The following OTOP3 variants were observed in gnomAD, a reference collection of about 807,000 sequenced individuals.
OTOP3 encodes the protein proton channel OTOP3.
OTOP3 carries 41 observed loss-of-function variants against 50.8 expected under a neutral mutation model. That is an observed-to-expected ratio of 0.81 (90% CI 0.63 to 1.05). The LOEUF (loss-of-function observed/expected upper bound fraction) is 1.05. Ranked by LOEUF, OTOP3 falls within the 50% of genes least tolerant of loss-of-function variation. The pLI is 0.00. For synonymous variants in OTOP3, 320 were observed against 324.4 expected (o/e 0.99, Z 0.14); for missense variants, 788 against 760.8 (o/e 1.04, Z -0.42).
At chr17:74,939,079 C>T (rs1025966688) in intron 1 of OTOP3, among the ~76,000 whole-genome samples, 2 of 151,960 alleles carry the variant, frequency 1.3e-5, no homozygotes, top group Non-Finnish European at 2.9e-5. Flanking sequence ...GAGGCTGAAT[C>T]GGGAGGATCA....
rs749058328 is a variant in OTOP3 at position 74,941,891 on chromosome 17, G to A, written c.437-10G>A. The A allele has an allele frequency of 6.3e-7, 1 of 1,598,894 alleles. No homozygotes were observed. The highest frequency in any genetic ancestry group is 8.5e-7 in the Non-Finnish European group (1 of 1,170,462). On this transcript the variant is annotated splice_polypyrimidine_tract_variant and intron_variant, in intron 2 of 6. Coordinates refer to ENST00000328801, the MANE Select transcript of OTOP3 (RefSeq NM_001272005.2). ...CGCAGGTGCCAACGCCCGCCCACATGTCCGGCCAGGTTCCCTAGTGCTCTT... is the reference window on the plus strand; with the variant it reads ...CGCAGGTGCCAACGCCCGCCCACATATCCGGCCAGGTTCCCTAGTGCTCTT...
Position 74,942,027 on chromosome 17 carries a change from T to C in OTOP3, c.563T>C (p.Ile188Thr). ...LVFSVIEMVF[I>T]GVQTWVLWKH... ...TTCTCTGTCATCGAGATGGTCTTCATCGGCGTCCAGGTGACAGGCTTCTCA... is the reference window on the plus strand; with the variant it reads ...TTCTCTGTCATCGAGATGGTCTTCACCGGCGTCCAGGTGACAGGCTTCTCA... Residue 188 changes from isoleucine (I) to threonine (T), a missense_variant, in exon 3 of 7, where the codon ATC becomes ACC. Physicochemically the swap from Ile to Thr is moderately conservative, Grantham distance 89. Transcript: ENST00000328801. 6.2e-7 allele frequency: 1 copy of C among 1,610,084 alleles called. No individual in the cohort carries two copies.
Position 74,936,961 on chromosome 17 carries a change from C to CCTT in OTOP3, c.19+1021_19+1022insCTT, listed in dbSNP as rs1555629576. Among the ~76,000 whole-genome samples the CCTT allele has an allele frequency of 7.9e-4, 80 of 101,302 alleles. 2 individuals are homozygous for CCTT. The highest frequency in any genetic ancestry group is 1.0e-3 in the Non-Finnish European group (53 of 51,116). The allele number at this position is 101,302 out of a possible 152,430, so 66.5% of individuals were successfully genotyped here. The stretch of plus-strand genomic sequence containing the variant: ...ATTCGGCATTCATCACCCCCCCACC[C>CCTT]TTTTTTTTTTTTTTTTTTTGAGACA... On this transcript the variant is annotated intron_variant, in intron 1 of 6. Transcript: ENST00000328801.
chr17:74,944,802 C>T (rs1261222808), intron 5 of OTOP3, among the ~76,000 whole-genome samples: 2 of 152,128 alleles, frequency 1.3e-5, no homozygotes, highest in African/African-American at 4.8e-5. Flanking sequence ...AGTAGAAGAA[C>T]AAGACATACC....
chr17:74,941,623 G>T lies in OTOP3; in HGVS notation c.250G>T (p.Gly84Cys), dbSNP rs140192320. 52 of 1,613,986 alleles carry T rather than the reference G, an allele frequency of 3.2e-5. No individual in the cohort carries two copies. In the African/African-American group the frequency reaches 6.5e-4, roughly 20 times the overall value. ...GLLALNVVFLGGAFICSMIFN... is the reference protein window; with the variant it reads ...GLLALNVVFLCGAFICSMIFN... ...CCTGGCCCTGAATGTGGTGTTCCTG[G>T]GTGGCGCCTTCATCTGCAGCATGAT... Residue 84 changes from glycine to cysteine, a missense_variant, in exon 2 of 7, where the codon GGT becomes TGT. Physicochemically the swap from Gly to Cys is radical, Grantham distance 159 (BLOSUM62 -3). Transcript: ENST00000328801.
intron 5 of OTOP3, among the ~76,000 whole-genome samples, chr17:74,946,306 T>C (rs2039223917): frequency 1.3e-5 from 2 of 152,030 alleles, no homozygotes; most frequent in South Asian, 2.1e-4. Flanking sequence ...AGAGACGAGG[T>C]CTCACCATGT....
intron 1 of OTOP3, among the ~76,000 whole-genome samples, chr17:74,940,172 G>GTT (rs11327542): frequency 7.0e-5 from 7 of 99,960 alleles, no homozygotes; most frequent in Non-Finnish European, 1.3e-4. Flanking sequence ...CGGCTTTTTT[G>GTT]TTTTTTTTTT....
Position 74,941,391 on chromosome 17 carries a change from A to T in OTOP3, c.20-2A>T. ...AACCCAGGACCCTTTCTCCATCTCC[A>T]GCCCCTGCTGAGGCTACACCCATGC... is the stretch of plus-strand genomic sequence containing the variant. On this transcript the variant is annotated splice_acceptor_variant, in intron 1 of 6. Coordinates refer to ENST00000328801, the MANE Select transcript of OTOP3 (RefSeq NM_001272005.2). LOFTEE classifies it high-confidence loss of function. The T allele has an allele frequency of 1.3e-6, 2 of 1,490,524 alleles. No individual in the cohort carries two copies. The highest frequency in any genetic ancestry group is 1.8e-6 in the Non-Finnish European group (2 of 1,118,438). The allele number at this position is 1,490,524 out of a possible 1,614,324, so 92.3% of individuals were successfully genotyped here.
intron 1 of OTOP3, among the ~76,000 whole-genome samples, chr17:74,937,139 A>AT (rs891559136): frequency 5.9e-5 from 9 of 151,458 alleles, no homozygotes; most frequent in African/African-American, 9.7e-5. Flanking sequence ...ATTGTTTGGT[A>AT]TTTTTTGTAG....
intron 4 of OTOP3, 82 bp downstream of exon 4, chr17:74,943,426 A>T: frequency 6.6e-7 from 1 of 1,506,752 alleles, no homozygotes; most frequent in Non-Finnish European, 9.2e-7. Flanking sequence ...GCGGGGCTAT[A>T]GGTTAGTCTG....
At chr17:74,937,282 A>G (rs908225416) in intron 1 of OTOP3, among the ~76,000 whole-genome samples, 2 of 152,154 alleles carry the variant, frequency 1.3e-5, no homozygotes, top group African/African-American at 4.8e-5. Context: ...GGAAGTCTTT[A>G]TTGAGCATCT....
chr17:74,946,874 GGCCGCTGCTGGGCCT>G lies in OTOP3; in HGVS notation c.968_982del (p.Pro323_Leu327del), dbSNP rs749813538. Reference sequence around the variant, plus strand: ...TTCCACCTGCACGGGGCCATCTTCGGGCCGCTGCTGGGCCTGCTGGTGCTGCTGGCAGGTGTGTGC... The same window carrying G: ...TTCCACCTGCACGGGGCCATCTTCGGGCTGGTGCTGCTGGCAGGTGTGTGC... On this transcript the variant is annotated inframe_deletion, in exon 6 of 7. Transcript: ENST00000328801. 6.9e-5 allele frequency: 111 copies of G among 1,610,760 alleles called. No individual in the cohort carries two copies. Among genetic ancestry groups the G allele is most frequent in the Non-Finnish European group, 8.2e-5 (97 of 1,179,994 alleles).
At chr17:74,947,913 T>C (rs116309793) in intron 6 of OTOP3, among the ~76,000 whole-genome samples, 3,192 of 152,254 alleles carry the variant, frequency 0.021, 90 homozygotes, top group African/African-American at 0.072. Context: ...CAACAGACAC[T>C]ATTGCTGTCC....
rs1225743153 is a variant in OTOP3, at chr17:74,941,410, C to T, written c.37C>T (p.Pro13Ser). The T allele has an allele frequency of 6.5e-7, 1 of 1,544,356 alleles. No homozygotes were observed. The highest frequency in any genetic ancestry group is 2.3e-5 in the East Asian group (1 of 43,858). ...ATCTCCAGCCCCTGCTGAGGCTACA[C>T]CCATGCCTTCTTCAGAAGCACAGGA... ...LPASAPAEAT[P>S]MPSSEAQETE... The change falls in exon 2 of 7, where the codon CCC becomes TCC. Residue 13 changes from proline to serine, a missense_variant. Physicochemically the swap from Pro to Ser is moderately conservative, Grantham distance 74. Transcript: ENST00000328801.
intron 3 of OTOP3, 47 bp downstream of exon 3, chr17:74,942,084 T>C (rs2039182501): frequency 6.4e-7 from 1 of 1,558,168 alleles, no homozygotes; most frequent in African/African-American, 1.4e-5. Context: ...ATACCCTATC[T>C]ACCCATGCCA....
At position 74,949,394 on chromosome 17, in the gene OTOP3, T is replaced by C; in HGVS notation, c.1715T>C (p.Val572Ala). ...CGCATGCACTCTGTGGGAGGCCTGG[T>C]GGAGGTCTACCTGGGGGCCTGAGGC... ...FYRMHSVGGL[V>A]EVYLGA The change falls in exon 7 of 7, where the codon GTG becomes GCG. Residue 572 changes from valine (V) to alanine (A), a missense_variant. Transcript: ENST00000328801. 2.5e-6 allele frequency: 4 copies of C among 1,613,136 alleles called. No individual in the cohort carries two copies. The highest frequency in any genetic ancestry group is 3.4e-6 in the Non-Finnish European group (4 of 1,179,820).
chr17:74,946,663 AAT>A lies in OTOP3; in HGVS notation c.755_756del (p.Asn252ArgfsTer14), dbSNP rs766093659. 33 of 1,600,494 alleles carry A rather than the reference AAT, an allele frequency of 2.1e-5. No individual in the cohort carries two copies. The African/African-American group carries it at 2.7e-4, about 13-fold the overall frequency. Reference sequence around the variant, plus strand: ...CTCCCACCCTGCCTCCCTCCCAGGCAATGAGACCAACACCTGTCTGTGCCTCA... The same window carrying A: ...CTCCCACCCTGCCTCCCTCCCAGGCAGAGACCAACACCTGTCTGTGCCTCA... ...LGILMEKSTG[N>X]ETNTCLCLNA... On this transcript the variant is annotated frameshift_variant, in exon 6 of 7. Transcript: ENST00000328801. LOFTEE classifies it high-confidence loss of function.
rs1175119310 is a variant in OTOP3, at chr17:74,941,925, G to T, written c.461G>T (p.Cys154Phe). The T allele has an allele frequency of 1.2e-6, 2 of 1,610,716 alleles. No individual in the cohort carries two copies. The highest frequency in any genetic ancestry group is 4.5e-5 in the East Asian group (2 of 44,826). ...GGTTCCCTAGTGCTCTTCGGCAGCT[G>T]CACCTTCTGCCTCAACATCTTCCGA... ...VRGSLVLFGS[C>F]TFCLNIFRVG... The change falls in exon 3 of 7, where the codon TGC (cysteine) becomes TTC (phenylalanine). Residue 154 changes from cysteine to phenylalanine, a missense_variant. Physicochemically the swap from Cys to Phe is radical, Grantham distance 205 (BLOSUM62 -2). Transcript: ENST00000328801.
Position 74,947,321 on chromosome 17 carries a change from A to G in OTOP3, c.1412A>G (p.Gln471Arg), listed in dbSNP as rs753110120. The G allele has an allele frequency of 3.1e-6, 5 of 1,613,320 alleles. No individual in the cohort carries two copies. The South Asian group carries it at 4.4e-5, about 14-fold the overall frequency. Residue 471 changes from glutamine to arginine, a missense_variant, in exon 6 of 7, where the codon CAG (glutamine) becomes CGG (arginine). Physicochemically the swap from Gln to Arg is conservative, Grantham distance 43 (BLOSUM62 1). Transcript: ENST00000328801. ...ETVPEGLAGK[Q>R]EAEPPRRGSL... ...GTTCCCGAGGGCCTGGCAGGAAAGC[A>G]GGAGGCTGAGCCTCCCCGCAGAGGC...
Sources: gnomAD v4.1 joint callset for allele counts (sites outside exome capture counted in the v4.1 genomes callset) on GRCh38, gnomAD v4.1.1 for gene constraint, MANE v1.5 for transcripts, NCBI Gene and HGNC (gene_info 2026-07-23, HGNC 2026-07-21) for gene names.